Variants in HEATR4 observed in about 807,000 individuals in gnomAD.
HEATR4 encodes the protein HEAT repeat containing 4.
Under a neutral mutation model 108.8 loss-of-function variants are expected in HEATR4, and 95 were observed. That is an observed-to-expected ratio of 0.87 (90% CI 0.74 to 1.04). HEATR4 has a LOEUF of 1.04. HEATR4 is among the 50% of genes least tolerant of loss of function. The pLI is 0.00. For missense variants in HEATR4, 1,152 were observed against 1,253.8 expected (o/e 0.92, Z 1.23); for synonymous variants, 443 against 459.4 (o/e 0.96, Z 0.46).
chr14:73,608,147 C>A, the HEATR4 span, among the ~76,000 whole-genome samples: 1 of 150,954 alleles, frequency 6.6e-6, no homozygotes, highest in African/African-American at 2.4e-5. Context: ...CTGATCTTAA[C>A]CTCCTGACCT....
chr14:73,560,594 G>A (rs1485647080), upstream of HEATR4, among the ~76,000 whole-genome samples: 3 of 151,056 alleles, frequency 2.0e-5, no homozygotes, highest in African/African-American at 4.9e-5. Context: ...CCCGGGAGGC[G>A]GAGCTTGCAG....
At chr14:73,598,592 C>A in the HEATR4 span, among the ~76,000 whole-genome samples, 1 of 150,716 alleles carries the variant, frequency 6.6e-6, no homozygotes, top group African/African-American at 2.4e-5. Flanking sequence ...TTGGGACAGG[C>A]GCTGTGGCTC....
At chr14:73,600,613 G>A in the HEATR4 span, among the ~76,000 whole-genome samples, 1,486 of 151,696 alleles carry the variant, frequency 9.8e-3, 25 homozygotes, top group African/African-American at 0.034. Context: ...CACCACACCC[G>A]GCTAATTTGT....
the HEATR4 span, chr14:73,593,812 T>C: frequency 9.3e-7 from 1 of 1,073,002 alleles, no homozygotes; most frequent in Admixed American, 2.0e-5. Flanking sequence ...GGCTCTAGCT[T>C]ATTATAACTT....
At chr14:73,491,454 C>T (rs1885733170) in intron 17 of HEATR4, 5 of 1,406,670 alleles carry the variant, frequency 3.6e-6, no homozygotes, top group Non-Finnish European at 4.6e-6. Flanking sequence ...GTGGAGACCT[C>T]GGCCCTGCTG....
intron 12 of HEATR4, 100 bp from the exon 13 acceptor site, chr14:73,499,240 G>C: frequency 9.8e-7 from 1 of 1,018,672 alleles, no homozygotes; most frequent in South Asian, 1.3e-5. Flanking sequence ...CAGCATTTTG[G>C]GATGCCAAGG....
chr14:73,518,774 C>T (rs1490209547), intron 5 of HEATR4, among the ~76,000 whole-genome samples: 2 of 152,150 alleles, frequency 1.3e-5, no homozygotes, highest in Non-Finnish European at 2.9e-5. Context: ...TGGCCCTAAA[C>T]CACTTGGTTA....
chr14:73,493,536 C>T (rs1885924659), intron 16 of HEATR4: 1 of 190,514 alleles, frequency 5.2e-6, no homozygotes, highest in Non-Finnish European at 1.1e-5. Flanking sequence ...GTTAATCAAC[C>T]TCTTAAGGAA....
At chr14:73,627,894 C>T in the HEATR4 span, among the ~76,000 whole-genome samples, 1 of 152,058 alleles carries the variant, frequency 6.6e-6, no homozygotes, top group South Asian at 2.1e-4. Flanking sequence ...CTGCAACTTC[C>T]GTCTCCTGGA....
intron 17 of HEATR4, chr14:73,491,518 G>T: frequency 1.3e-6 from 2 of 1,515,626 alleles, no homozygotes; most frequent in Non-Finnish European, 1.8e-6. Flanking sequence ...CTGCGACGGC[G>T]TCGGGGCCGC....
At chr14:73,573,451 G>A in the HEATR4 span, 38 of 1,613,530 alleles carry the variant, frequency 2.4e-5, 1 homozygote, top group South Asian at 3.4e-4. Context: ...CTGGAGTATC[G>A]GGCTAGTCTG....
At chr14:73,623,006 T>C in the HEATR4 span, among the ~76,000 whole-genome samples, 1 of 151,622 alleles carries the variant, frequency 6.6e-6, no homozygotes, top group African/African-American at 2.4e-5. Flanking sequence ...GCCTCCCGGG[T>C]TCAAGCGATT....
At chr14:73,511,764 C>G (rs141428349) in intron 7 of HEATR4, among the ~76,000 whole-genome samples, 5 of 152,220 alleles carry the variant, frequency 3.3e-5, no homozygotes, top group Non-Finnish European at 7.4e-5. Context: ...ATGTTAACTT[C>G]TCTGCAGGCC....
chr14:73,506,722 T>C, intron 9 of HEATR4, 151 bp from the exon 10 acceptor site: 1 of 488,776 alleles, frequency 2.0e-6, no homozygotes, highest in Non-Finnish European at 3.6e-6. Flanking sequence ...GCCAACTGAC[T>C]CTGGGATCAT....
rs1161504230 is a variant in HEATR4 at position 73,556,990 on chromosome 14, AT to A, written c.-152+1760del. Among the ~76,000 whole-genome samples the A allele has an allele frequency of 1.8e-5, 2 of 113,508 alleles. 1 individual carries two copies. Among genetic ancestry groups the A allele is most frequent in the Admixed American group, 2.0e-4 (2 of 9,878 alleles). The allele number at this position is 113,508 out of a possible 152,430, so 74.5% of individuals were successfully genotyped here. On this transcript the variant is annotated intron_variant, in intron 1 of 17. Coordinates refer to ENST00000553558, the MANE Select transcript of HEATR4 (RefSeq NM_001220484.1). ...GGCTCCTTATTATCGAAACTTACAC[AT>A]TACGTGACCAGCATTATGAGGCAGC... is the stretch of plus-strand genomic sequence containing the variant.
intron 11 of HEATR4, 145 bp from the exon 12 acceptor site, chr14:73,500,875 G>A: frequency 1.5e-6 from 1 of 683,956 alleles, no homozygotes; most frequent in South Asian, 2.0e-5. Flanking sequence ...AAGTTTTACT[G>A]GGTACAGAGC....
chr14:73,573,579 A>G, the HEATR4 span: 1 of 1,613,742 alleles, frequency 6.2e-7, no homozygotes, highest in Non-Finnish European at 8.5e-7. Context: ...CTACTTGCTC[A>G]GTCATCCCGA....
chr14:73,501,207 C>T (rs561113740), intron 11 of HEATR4, among the ~76,000 whole-genome samples: 1 of 152,236 alleles, frequency 6.6e-6, no homozygotes, highest in South Asian at 2.1e-4. Context: ...CAAGCGCCGC[C>T]TCCTGGGTTC....
In HEATR4 at chr14:73,506,600, T is replaced by C. The variant is rs200728814; in HGVS notation, c.1882-29A>G. The stretch of plus-strand genomic sequence containing the variant: ...AGGAAATGGAAGACTTGTATGGATA[T>C]TCACAATCACTTTTAGAGATACTAG... On this transcript the variant is annotated intron_variant, in intron 9 of 17. Transcript: ENST00000553558. The C allele has an allele frequency of 3.5e-4, 528 of 1,515,186 alleles. 1 individual carries two copies. In the African/African-American group the frequency reaches 6.3e-3, roughly 18 times the overall value. 93.9% of individuals were successfully genotyped at this position (1,515,186 alleles called of 1,614,324 possible). A position where few individuals can be genotyped will look rare whatever the true frequency, so the allele number is the denominator to read the frequency against.
Sources: gnomAD v4.1 joint callset for allele counts (sites outside exome capture counted in the v4.1 genomes callset) on GRCh38, gnomAD v4.1.1 for gene constraint, MANE v1.5 for transcripts, NCBI Gene and HGNC (gene_info 2026-07-23, HGNC 2026-07-21) for gene names.